FXYD7: variants seen among roughly 807,000 people sequenced by gnomAD.
FXYD7 encodes the protein FXYD domain-containing ion transport regulator 7.
Under a neutral mutation model 15.3 loss-of-function variants are expected in FXYD7, and 7 were observed. The ratio of observed to expected loss-of-function variants is 0.46; its 90% CI spans 0.26 to 0.86. The LOEUF (loss-of-function observed/expected upper bound fraction) is 0.86. Among genes scored for constraint, FXYD7 ranks in the 40% least tolerant of loss-of-function variants. FXYD7 has a pLI of 0.16. For synonymous variants in FXYD7, 39 were observed against 39.3 expected (o/e 0.99, Z 0.03); for missense variants, 78 against 100.6 (o/e 0.78, Z 0.96).
Position 35,143,919 on chromosome 19 carries a change from G to A in FXYD7, c.31+555G>A, listed in dbSNP as rs1034439785. On this transcript the variant is annotated intron_variant, in intron 1 of 5. Coordinates refer to ENST00000270310, the MANE Select transcript of FXYD7 (RefSeq NM_022006.2). The surrounding 1 kb of genome is among the most constrained non-coding windows in gnomAD (Gnocchi z 4.3). ...GCAAGAGACAGACAGGGAGAACCTG[G>A]AAGAGACAGAGACCAAGAGAGGCAG... Among the ~76,000 whole-genome samples the A allele has an allele frequency of 1.3e-5, 2 of 152,160 alleles. No individual in the cohort carries two copies. The highest frequency in any genetic ancestry group is 4.8e-5 in the African/African-American group (2 of 41,418).
At chr19:35,148,334 C>T (rs1395570093) in intron 1 of FXYD7, among the ~76,000 whole-genome samples, 2 of 152,194 alleles carry the variant, frequency 1.3e-5, no homozygotes, top group African/African-American at 4.8e-5. Flanking sequence ...CTGTTTTAAC[C>T]TCATGACATC....
intron 2 of FXYD7, among the ~76,000 whole-genome samples, chr19:35,150,290 G>T (rs1484917982): frequency 6.6e-6 from 1 of 152,080 alleles, no homozygotes; most frequent in Non-Finnish European, 1.5e-5. Flanking sequence ...TCAGCTACTT[G>T]GGAGGCTGAG....
intron 1 of FXYD7, among the ~76,000 whole-genome samples, chr19:35,146,438 G>C (rs2065289264): frequency 6.6e-6 from 1 of 152,156 alleles, no homozygotes; most frequent in African/African-American, 2.4e-5. Context: ...TGCCCAGCTG[G>C]AAAATTCATC....
intron 5 of FXYD7, among the ~76,000 whole-genome samples, chr19:35,153,033 CTTTTTTTTTTTTTT>C (rs954084904): frequency 2.3e-5 from 1 of 44,142 alleles, no homozygotes; most frequent in African/African-American, 1.0e-4. Flanking sequence ...TTTCACGTTC[CTTTTTTTTTTTTTT>C]TTTTTTTTTT....
At chr19:35,148,187 A>T (rs1198659792) in intron 1 of FXYD7, among the ~76,000 whole-genome samples, 1 of 152,194 alleles carries the variant, frequency 6.6e-6, no homozygotes, top group Non-Finnish European at 1.5e-5. Context: ...GCTTCCCTGT[A>T]CTGGATGGAG....
chr19:35,146,410 T>C (rs2065289183), intron 1 of FXYD7, among the ~76,000 whole-genome samples: 1 of 152,216 alleles, frequency 6.6e-6, no homozygotes, highest in Non-Finnish European at 1.5e-5. Flanking sequence ...GTGCTGGGAT[T>C]ACAGGCATGA....
chr19:35,146,388 T>G (rs2065289116), intron 1 of FXYD7, among the ~76,000 whole-genome samples: 1 of 152,182 alleles, frequency 6.6e-6, no homozygotes, highest in African/African-American at 2.4e-5. Flanking sequence ...CCGCCCACCT[T>G]GTATTCCCAA....
chr19:35,149,053 C>G (rs1200748798), intron 2 of FXYD7: 1 of 516,666 alleles, frequency 1.9e-6, no homozygotes, highest in South Asian at 1.5e-5. Context: ...CCTGCCTTAT[C>G]CACTCACTAG....
intron 3 of FXYD7, 33 bp from the exon 4 acceptor site, chr19:35,151,407 C>G: frequency 1.2e-6 from 2 of 1,612,696 alleles, no homozygotes; most frequent in Non-Finnish European, 1.7e-6. Flanking sequence ...CCGCTATGTC[C>G]TGTCTTCTTG....
chr19:35,150,351 T>C (rs1027755839), intron 2 of FXYD7, among the ~76,000 whole-genome samples: 4 of 151,944 alleles, frequency 2.6e-5, no homozygotes, highest in Non-Finnish European at 5.9e-5. Context: ...TGAGCCATGA[T>C]TGCACCACTG....
Position 35,144,213 on chromosome 19 carries a change from A to G in FXYD7, c.31+849A>G, listed in dbSNP as rs1422225100. Among the ~76,000 whole-genome samples, 3 of 151,770 alleles carry G rather than the reference A, an allele frequency of 2.0e-5. No homozygotes were observed. In the East Asian group the frequency reaches 5.8e-4, roughly 29 times the overall value. ...GTGGGGCCCAAACCACTGCAGTGAG[A>G]CCCTATGTGTGGGAATGGGGCGATG... On this transcript the variant is annotated intron_variant, in intron 1 of 5. Transcript: ENST00000270310.
intron 1 of FXYD7, among the ~76,000 whole-genome samples, chr19:35,144,759 C>A (rs191721964): frequency 2.3e-4 from 35 of 152,144 alleles, no homozygotes; most frequent in African/African-American, 8.2e-4. Context: ...TTAGCAGGAT[C>A]GATGGCAGCA....
Position 35,143,408 on chromosome 19 carries a change from C to G in FXYD7, c.31+44C>G. On this transcript the variant is annotated intron_variant, in intron 1 of 5. Transcript: ENST00000270310. This position sits in a 1 kb window ranked among gnomAD's most constrained non-coding sequence, Gnocchi z 4.3. ...GGGGGTTGCAGGGGGGCTCCGGGATCTGAGAGCCTAGGAGAGAGGGTGTCG... is the reference window on the plus strand; with the variant it reads ...GGGGGTTGCAGGGGGGCTCCGGGATGTGAGAGCCTAGGAGAGAGGGTGTCG... 7.0e-7 allele frequency: 1 copy of G among 1,427,932 alleles called. No individual in the cohort carries two copies. Among genetic ancestry groups the G allele is most frequent in the Non-Finnish European group, 9.4e-7 (1 of 1,067,410 alleles). The allele number at this position is 1,427,932 out of a possible 1,614,324, so 88.5% of individuals were successfully genotyped here.
At chr19:35,148,838 C>G (rs762115535) in intron 2 of FXYD7, 115 bp downstream of exon 2, 3 of 921,436 alleles carry the variant, frequency 3.3e-6, no homozygotes, top group Non-Finnish European at 5.4e-6. Flanking sequence ...CCACTGGCCA[C>G]GGGACCATAT....
Position 35,151,401 on chromosome 19 carries a change from T to A in FXYD7, c.137-39T>A, listed in dbSNP as rs771979305. 1.7e-5 allele frequency: 27 copies of A among 1,611,650 alleles called. 1 individual carries two copies. The South Asian group carries it at 3.0e-4, about 18-fold the overall frequency. ...TGGCTTTCATCCATATCCTACCCGC[T>A]ATGTCCTGTCTTCTTGTTCTGTCTC... On this transcript the variant is annotated intron_variant, in intron 3 of 5. Coordinates refer to ENST00000270310, the MANE Select transcript of FXYD7 (RefSeq NM_022006.2).
intron 5 of FXYD7, among the ~76,000 whole-genome samples, chr19:35,152,775 G>A (rs2145400191): frequency 6.6e-6 from 1 of 151,830 alleles, no homozygotes; most frequent in African/African-American, 2.4e-5. Flanking sequence ...GAGAGCGAGA[G>A]GGATGCAGGG....
At chr19:35,153,831 G>A in intron 5 of FXYD7, 63 bp from the exon 6 acceptor site, 2 of 1,515,910 alleles carry the variant, frequency 1.3e-6, no homozygotes, top group South Asian at 1.1e-5. Flanking sequence ...GAGAGCCAAC[G>A]AGCTGTGGGG....
intron 1 of FXYD7, among the ~76,000 whole-genome samples, chr19:35,146,778 A>G (rs970667608): frequency 2.0e-5 from 3 of 152,194 alleles, no homozygotes; most frequent in Non-Finnish European, 2.9e-5. Context: ...GGAGATTAAC[A>G]AGGGTTGGAA....
intron 1 of FXYD7, among the ~76,000 whole-genome samples, chr19:35,147,855 G>T (rs372895539): frequency 2.0e-5 from 3 of 151,900 alleles, no homozygotes; most frequent in African/African-American, 7.2e-5. Flanking sequence ...TTAGCCAGCA[G>T]TGGTAGTGCA....
Sources: allele counts gnomAD v4.1 joint callset (sites outside exome capture counted in the v4.1 genomes callset), GRCh38; gene constraint gnomAD v4.1.1; non-coding constraint Gnocchi (gnomAD v3.1); transcripts MANE v1.5; gene names NCBI Gene and HGNC (gene_info 2026-07-23, HGNC 2026-07-21).